The following AK6 variants were observed in gnomAD, a reference collection of about 807,000 sequenced individuals.
AK6 encodes the protein adenylate kinase 6.
In AK6, 24 loss-of-function variants were observed where a neutral mutation model predicts 23.7. The observed-to-expected ratio is 1.01, with a 90% CI of 0.73 to 1.43. The LOEUF (loss-of-function observed/expected upper bound fraction) is 1.43. Ranked by LOEUF, AK6 falls within the 40% of genes most tolerant of loss-of-function variation. The pLI is 0.00. For missense variants in AK6, 191 were observed against 199.1 expected (o/e 0.96, Z 0.24); for synonymous variants, 73 against 69.8 (o/e 1.05, Z -0.23).
At position 69,360,114 on chromosome 5, in the gene AK6, A is replaced by G. The variant is rs1762190576; in HGVS notation, c.122-4161T>C. On this transcript the variant is annotated intron_variant, in intron 2 of 4. Transcript: ENST00000380822. The stretch of plus-strand genomic sequence containing the variant: ...GTGGCCATTTTATAAAGAATCTCCT[A>G]TATTTCCTGAAGGAGAATGGACTAT... Among the ~76,000 whole-genome samples the G allele has an allele frequency of 3.9e-5, 6 of 152,330 alleles. No individual in the cohort carries two copies. In the South Asian group the frequency reaches 1.2e-3, roughly 32 times the overall value.
chr5:69,361,187 T>A (rs1195237854), intron 2 of AK6, among the ~76,000 whole-genome samples: 2 of 152,090 alleles, frequency 1.3e-5, no homozygotes, highest in East Asian at 3.9e-4. Flanking sequence ...GGAGTCTCAC[T>A]CTGTCGCCCA....
chr5:69,354,071 C>T (rs1440395537), intron 4 of AK6, among the ~76,000 whole-genome samples: 1 of 152,106 alleles, frequency 6.6e-6, no homozygotes, highest in Non-Finnish European at 1.5e-5. Flanking sequence ...AGCCGTCCTG[C>T]CTCCCCCTCA....
Position 69,352,174 on chromosome 5 carries a change from A to C in AK6, c.406T>G (p.Tyr136Asp). 1 of 1,614,004 alleles carries C rather than the reference A, an allele frequency of 6.2e-7. No individual in the cohort carries two copies. The highest frequency in any genetic ancestry group is 1.1e-5 in the South Asian group (1 of 91,072). Reference sequence around the variant, plus strand: ...AGCTGATGCACGATTTCTTCCTTGTAGGATGCTGTGGCTTCTTCATAAAGA... The same window carrying C: ...AGCTGATGCACGATTTCTTCCTTGTCGGATGCTGTGGCTTCTTCATAAAGA... ...QVLYEEATAS[Y>D]KEEIVHQLPS... Residue 136 changes from tyrosine (Y) to aspartate (D), a missense_variant, in exon 5 of 5, where the codon TAC (tyrosine) becomes GAC (aspartate). Tyr to Asp is a radical substitution (Grantham distance 160). Coordinates refer to ENST00000380822, the MANE Select transcript of AK6 (RefSeq NM_016283.5).
At chr5:69,364,747 A>G (rs1762343037) in intron 2 of AK6, 2 of 668,888 alleles carry the variant, frequency 3.0e-6, no homozygotes, top group Non-Finnish European at 5.2e-6. Flanking sequence ...CAACAATCGA[A>G]TGAATGACAA....
At chr5:69,360,073 C>T (rs573715931) in intron 2 of AK6, among the ~76,000 whole-genome samples, 5 of 152,252 alleles carry the variant, frequency 3.3e-5, no homozygotes, top group South Asian at 4.1e-4. Context: ...GGGGAGAGAA[C>T]GGCTGCAGGT....
Position 69,352,381 on chromosome 5 carries a change from A to G in AK6, c.327-128T>C, listed in dbSNP as rs1761969510. 7.5e-6 allele frequency: 5 copies of G among 666,404 alleles called. No homozygotes were observed. The South Asian group carries it at 1.1e-4, about 14-fold the overall frequency. 41.3% of individuals were successfully genotyped at this position (666,404 alleles called of 1,614,324 possible). ...TTACAGAAATGGTCTCTTCACCTAG[A>G]GAGGAGTGACTGGTACCTGTTTATA... On this transcript the variant is annotated intron_variant, in intron 4 of 4. Transcript: ENST00000380822.
chr5:69,366,477 AAATCT>A, intron 2 of AK6, 21 bp downstream of exon 2: 1 of 1,593,102 alleles, frequency 6.3e-7, no homozygotes, highest in African/African-American at 1.3e-5. Flanking sequence ...AAAACAAAAC[AAATCT>A]AACACCAAAG....
At chr5:69,366,226 T>C (rs533060886) in intron 2 of AK6, among the ~76,000 whole-genome samples, 1 of 152,308 alleles carries the variant, frequency 6.6e-6, no homozygotes, top group South Asian at 2.1e-4. Flanking sequence ...ATTCTCCTTA[T>C]TCACATTCTA....
chr5:69,365,276 A>G (rs1258570393), intron 2 of AK6: 5 of 1,614,110 alleles, frequency 3.1e-6, no homozygotes, highest in Non-Finnish European at 4.2e-6. Context: ...TTGGTCTGCT[A>G]GTAACTGAAC....
At chr5:69,369,226 A>ACTC in intron 1 of AK6, 1 of 123,114 alleles carries the variant, frequency 8.1e-6, no homozygotes. Flanking sequence ...ACCTCTCTCC[A>ACTC]CCCCCCCCCG....
rs17356016 is a variant in AK6, at chr5:69,369,499, C to A, written c.-9G>T. 2.4e-4 allele frequency: 383 copies of A among 1,611,610 alleles called. 4 individuals carry two copies. In the South Asian group the frequency reaches 3.9e-3, roughly 17 times the overall value. ...ATGTTCGGAAGCAACATGGTCCCCG[C>A]CGCGACGGCTTCGGGCGCCTCGCTC... On this transcript the variant is annotated 5_prime_UTR_variant, in exon 1 of 5. Transcript: ENST00000380822.
intron 1 of AK6, 42 bp downstream of exon 1, chr5:69,369,421 C>G (rs993121733): frequency 1.7e-5 from 28 of 1,602,376 alleles, no homozygotes; most frequent in East Asian, 6.8e-5. Flanking sequence ...TCTGCGCCCC[C>G]AGCCTGCCCC....
At chr5:69,365,793 T>C (rs1250086754) in intron 2 of AK6, 2 of 1,368,532 alleles carry the variant, frequency 1.5e-6, no homozygotes, top group East Asian at 2.4e-5. Flanking sequence ...ATTAGATCAA[T>C]CTGAAATAGT....
rs889529479 is a variant in AK6 at position 69,351,246 on chromosome 5, C to G, written c.*815G>C. On this transcript the variant is annotated 3_prime_UTR_variant, in exon 5 of 5. Transcript: ENST00000380822. ...GTCTCACTATGTTGCCCAGGCTGGT[C>G]TTGAACTCCTGCCTCAAGCGATTCT... 5.3e-5 allele frequency: 8 copies of G among 151,938 alleles called. No homozygotes were observed. Among genetic ancestry groups the G allele is most frequent in the Non-Finnish European group, 1.2e-4 (8 of 68,024 alleles). The allele number at this position is 151,938 out of a possible 1,614,324, so 9.4% of individuals were successfully genotyped here. A position where few individuals can be genotyped will look rare whatever the true frequency, so the allele number is the denominator to read the frequency against.
chr5:69,364,719 A>G (rs1762342014), intron 2 of AK6: 2 of 628,888 alleles, frequency 3.2e-6, no homozygotes, highest in African/African-American at 1.8e-5. Context: ...GCTTTTAAAA[A>G]CATAACTGCC....
chr5:69,366,792 CTT>C (rs1377930122), intron 1 of AK6, 197 bp from the exon 2 acceptor site: 18 of 560,960 alleles, frequency 3.2e-5, no homozygotes, highest in East Asian at 2.9e-4. Flanking sequence ...GAGTTTCACT[CTT>C]GTCGCCCAGG....
Position 69,366,604 on chromosome 5 carries a change from C to T in AK6, c.29-9G>A, listed in dbSNP as rs199524972. On this transcript the variant is annotated splice_polypyrimidine_tract_variant and intron_variant, in intron 1 of 4. Coordinates refer to ENST00000380822, the MANE Select transcript of AK6 (RefSeq NM_016283.5). The stretch of plus-strand genomic sequence containing the variant: ...TCCAACCCCTGGTGTACCTGTAAGA[C>T]AAGCCACAGAAAAATACTGTTTGTG... The T allele has an allele frequency of 1.3e-6, 2 of 1,596,142 alleles. No homozygotes were observed. The highest frequency in any genetic ancestry group is 1.7e-5 in the Admixed American group (1 of 58,494).
Position 69,355,809 on chromosome 5 carries a change from T to TA in AK6, c.181-16dup, listed in dbSNP as rs750790715. Reference sequence around the variant, plus strand: ...TCATCAACTACCTGTAAGAAAAGTTTAAAAAAAAATGCTTCTTAAGAAAAC... The same window carrying TA: ...TCATCAACTACCTGTAAGAAAAGTTTAAAAAAAAAATGCTTCTTAAGAAAAC... On this transcript the variant is annotated splice_polypyrimidine_tract_variant and intron_variant, in intron 3 of 4. Transcript: ENST00000380822. 41 of 1,586,502 alleles carry TA rather than the reference T, an allele frequency of 2.6e-5. No homozygotes were observed. The highest frequency in any genetic ancestry group is 1.1e-4 in the African/African-American group (8 of 73,236).
chr5:69,362,228 T>C (rs1403846409), intron 2 of AK6, among the ~76,000 whole-genome samples: 1 of 152,116 alleles, frequency 6.6e-6, no homozygotes, highest in Non-Finnish European at 1.5e-5. Context: ...GACAGGGGAC[T>C]GTCCTGTGAA....
Sources: allele counts gnomAD v4.1 joint callset (sites outside exome capture counted in the v4.1 genomes callset), GRCh38; gene constraint gnomAD v4.1.1; transcripts MANE v1.5; gene names NCBI Gene and HGNC (gene_info 2026-07-23, HGNC 2026-07-21).